Variants in PCDHGB6 observed in about 807,000 individuals in gnomAD.
The protein encoded by PCDHGB6 is protocadherin gamma subfamily B, 6, also known as protocadherin gamma-B6.
A neutral mutation model predicts 59.1 loss-of-function variants in PCDHGB6; 51 were observed. That is an observed-to-expected ratio of 0.86 (90% CI 0.69 to 1.09). PCDHGB6 has a LOEUF of 1.09. Ranked by LOEUF, PCDHGB6 falls within the 50% of genes least tolerant of loss-of-function variation. The probability of loss-of-function intolerance (pLI) is 0.00; values close to 1 mark genes in which losing one functional copy is unlikely to be tolerated. For missense variants in PCDHGB6, 1,148 were observed against 1,205.1 expected, an observed-to-expected ratio of 0.95 and a Z score of 0.70; for synonymous variants, 466 against 495.1, an observed-to-expected ratio of 0.94 and a Z score of 0.78.
rs147534370 is a variant in PCDHGB6 at position 141,511,170 on chromosome 5, G to A, written c.2790G>A (p.Lys930=). ...AGAAGTCGGGCAAGAAGGAGAAGAA[G>A]TAACATGGAGGCCAGGCCAAGAGCC... ...NKKKSGKKEK[K] The change falls in exon 4 of 4, where the codon AAG becomes AAA. Residue 930 remains lysine (K), a synonymous_variant. Coordinates refer to ENST00000520790, the MANE Select transcript of PCDHGB6 (RefSeq NM_018926.3). 1.9e-6 allele frequency: 3 copies of A among 1,613,988 alleles called. No homozygotes were observed. The highest frequency in any genetic ancestry group is 2.5e-6 in the Non-Finnish European group (3 of 1,179,990).
chr5:141,446,692 G>T (rs543476108), intron 1 of PCDHGB6, among the ~76,000 whole-genome samples: 2 of 152,280 alleles, frequency 1.3e-5, no homozygotes, highest in African/African-American at 4.8e-5. Context: ...TGGCCAGGCT[G>T]GTCTCGAACT....
In PCDHGB6 at chr5:141,476,933, GA is replaced by G; in HGVS notation, c.2419-17872del. 1 of 1,614,176 alleles carries G rather than the reference GA, an allele frequency of 6.2e-7. No individual in the cohort carries two copies. Reference sequence around the variant, plus strand: ...ACAAGTCCTTGCAACGGATCTGGATGAAGGCCCCAACGGTGAAATTATTTAC... The same window carrying G: ...ACAAGTCCTTGCAACGGATCTGGATGAGGCCCCAACGGTGAAATTATTTAC... On this transcript the variant is annotated intron_variant, in intron 1 of 3. Transcript: ENST00000520790. This position sits in a 1 kb window ranked among gnomAD's most constrained non-coding sequence, Gnocchi z 7.6.
At position 141,412,973 on chromosome 5, in the gene PCDHGB6, C is replaced by A. The variant is rs2095594108; in HGVS notation, c.2418+2353C>A. 14 of 528,318 alleles carry A rather than the reference C, an allele frequency of 2.6e-5. No individual in the cohort carries two copies. In the South Asian group the frequency reaches 3.3e-4, roughly 12 times the overall value. The allele number at this position is 528,318 out of a possible 1,614,324, so 32.7% of individuals were successfully genotyped here. A position where few individuals can be genotyped will look rare whatever the true frequency, so the allele number is the denominator to read the frequency against. Reference sequence around the variant, plus strand: ...GCTGTTCACCTACTAGGAGAGAAAACGCAGCCAGAGCTCAATCCGGATTCT... The same window carrying A: ...GCTGTTCACCTACTAGGAGAGAAAAAGCAGCCAGAGCTCAATCCGGATTCT... On this transcript the variant is annotated intron_variant, in intron 1 of 3. Transcript: ENST00000520790.
In PCDHGB6 at chr5:141,476,445, T is replaced by G. The variant is rs2099391853; in HGVS notation, c.2419-18362T>G. 1 of 1,613,956 alleles carries G rather than the reference T, an allele frequency of 6.2e-7. No individual in the cohort carries two copies. The highest frequency in any genetic ancestry group is 1.7e-5 in the Admixed American group (1 of 60,008). The stretch of plus-strand genomic sequence containing the variant: ...CCCTCTTGCACTGTAACTCTGGAGT[T>G]GGTAGTGGAGAACCCGCTGGAGCTG... On this transcript the variant is annotated intron_variant, in intron 1 of 3. Coordinates refer to ENST00000520790, the MANE Select transcript of PCDHGB6 (RefSeq NM_018926.3). This position sits in a 1 kb window ranked among gnomAD's most constrained non-coding sequence, Gnocchi z 7.6.
chr5:141,435,066 G>A (rs936110088), intron 1 of PCDHGB6, among the ~76,000 whole-genome samples: 3 of 151,920 alleles, frequency 2.0e-5, no homozygotes, highest in African/African-American at 7.3e-5. Context: ...GCAGTTTTGT[G>A]TAGACCGTCT....
At chr5:141,424,682 C>A (rs1421088073) in intron 1 of PCDHGB6, 1 of 152,062 alleles carries the variant, frequency 6.6e-6, no homozygotes, top group Non-Finnish European at 1.5e-5. Flanking sequence ...AGCTAGTATC[C>A]TTCTGGCTAT....
Position 141,477,289 on chromosome 5 carries a change from T to G in PCDHGB6, c.2419-17518T>G, listed in dbSNP as rs759477848. On this transcript the variant is annotated intron_variant, in intron 1 of 3. Coordinates refer to ENST00000520790, the MANE Select transcript of PCDHGB6 (RefSeq NM_018926.3). The surrounding 1 kb of genome is among the most constrained non-coding windows in gnomAD (Gnocchi z 4.9). ...AGAACGGGCTGGTGACCTGCGAAGT[T>G]CCACCGGGTCTCCCTTTCAGCCTTA... The G allele has an allele frequency of 3.2e-5, 52 of 1,614,046 alleles. No individual in the cohort carries two copies. Among genetic ancestry groups the G allele is most frequent in the Non-Finnish European group, 4.2e-5 (50 of 1,180,040 alleles).
intron 1 of PCDHGB6, among the ~76,000 whole-genome samples, chr5:141,469,311 T>C (rs970450899): frequency 3.3e-5 from 5 of 152,040 alleles, no homozygotes; most frequent in Admixed American, 3.3e-4. Context: ...GCACGATGGC[T>C]CACGCCTGTA....
chr5:141,417,783 C>T, intron 1 of PCDHGB6: 1 of 1,474,286 alleles, frequency 6.8e-7, no homozygotes, highest in Non-Finnish European at 9.0e-7. Flanking sequence ...TGTCCTGGGC[C>T]GAATGCTCTT....
intron 1 of PCDHGB6, among the ~76,000 whole-genome samples, chr5:141,438,325 A>C (rs1400796518): frequency 6.6e-6 from 1 of 151,948 alleles, no homozygotes; most frequent in African/African-American, 2.4e-5. Context: ...AATTTTTCTT[A>C]TACATGTCAT....
At chr5:141,506,444 CAAAA>C (rs1219684339) in intron 3 of PCDHGB6, among the ~76,000 whole-genome samples, 5 of 95,022 alleles carry the variant, frequency 5.3e-5, no homozygotes, top group Admixed American at 1.1e-4. Context: ...CGCTCTGTCT[CAAAA>C]AAAAAAAAAA....
chr5:141,408,280 C>T lies in PCDHGB6; in HGVS notation c.78C>T (p.Tyr26=). Residue 26 remains tyrosine, a synonymous_variant, in exon 1 of 4, where the codon TAC becomes TAT. Transcript: ENST00000520790. ...VLFPLLLPLF[Y]PTLSEPIRYS... The stretch of plus-strand genomic sequence containing the variant: ...TTCCTTTGCTGCTGCCTTTGTTCTA[C>T]CCCACCCTGAGTGAGCCGATCCGCT... 6.2e-7 allele frequency: 1 copy of T among 1,612,648 alleles called. No individual in the cohort carries two copies. Among genetic ancestry groups the T allele is most frequent in the Non-Finnish European group, 8.5e-7 (1 of 1,179,182 alleles).
Position 141,408,785 on chromosome 5 carries a change from T to C in PCDHGB6, c.583T>C (p.Ser195Pro). ...CGATGGTGGCAAATACCCAGAGTTA[T>C]CTCTGGAGAAACTCCTAGACCGGGA... ...NSDGGKYPEL[S>P]LEKLLDREEQ... The change falls in exon 1 of 4, where the codon TCT (serine) becomes CCT (proline). Residue 195 changes from serine to proline, a missense_variant. Ser to Pro is a moderately conservative substitution (Grantham distance 74). Transcript: ENST00000520790. 1 of 1,612,308 alleles carries C rather than the reference T, an allele frequency of 6.2e-7. No homozygotes were observed. Among genetic ancestry groups the C allele is most frequent in the Non-Finnish European group, 8.5e-7 (1 of 1,179,032 alleles).
chr5:141,465,505 G>C (rs905617997), intron 1 of PCDHGB6, among the ~76,000 whole-genome samples: 1 of 152,190 alleles, frequency 6.6e-6, no homozygotes, highest in Non-Finnish European at 1.5e-5. Context: ...CATTGTCGTG[G>C]TCAGGAAGGA....
chr5:141,501,323 A>G (rs2099807887), intron 2 of PCDHGB6, among the ~76,000 whole-genome samples: 1 of 151,850 alleles, frequency 6.6e-6, no homozygotes, highest in East Asian at 1.9e-4. Flanking sequence ...ACACACACAC[A>G]CACACACACA....
chr5:141,470,622 A>G (rs1323376824), intron 1 of PCDHGB6, among the ~76,000 whole-genome samples: 6 of 152,336 alleles, frequency 3.9e-5, no homozygotes, highest in Admixed American at 6.5e-5. Flanking sequence ...CTTCATGCTT[A>G]GATAGGCCCC....
intron 1 of PCDHGB6, chr5:141,414,350 C>T (rs1450829111): frequency 1.9e-6 from 3 of 1,613,726 alleles, no homozygotes; most frequent in Admixed American, 1.7e-5. Flanking sequence ...TCCATTTTGG[C>T]GTATCTACCA....
At chr5:141,470,585 G>A (rs2099233788) in intron 1 of PCDHGB6, among the ~76,000 whole-genome samples, 1 of 152,188 alleles carries the variant, frequency 6.6e-6, no homozygotes, top group African/African-American at 2.4e-5. Flanking sequence ...AACTTCATAG[G>A]CAGGCGACCT....
chr5:141,410,780 A>T, intron 1 of PCDHGB6, 160 bp downstream of exon 1: 1 of 803,810 alleles, frequency 1.2e-6, no homozygotes. Context: ...TTCACTATGT[A>T]TTTGGTTCAT....
Sources: gnomAD v4.1 joint callset for allele counts (sites outside exome capture counted in the v4.1 genomes callset) on GRCh38, gnomAD v4.1.1 for gene constraint, Gnocchi (gnomAD v3.1) non-coding constraint, MANE v1.5 for transcripts, NCBI Gene and HGNC (gene_info 2026-07-23, HGNC 2026-07-21) for gene names.